Variants in RBM26 observed in about 807,000 individuals in gnomAD.
RBM26 encodes RNA binding motif protein 26, also known as RNA-binding protein 26.
In RBM26, 30 loss-of-function variants were observed where a neutral mutation model predicts 123.6. The ratio of observed to expected loss-of-function variants is 0.24; its 90% CI spans 0.18 to 0.33. The LOEUF (loss-of-function observed/expected upper bound fraction) is 0.33, where lower values mean the gene tolerates loss of function less well. Among genes scored for constraint, RBM26 ranks in the 10% least tolerant of loss-of-function variants. RBM26 has a pLI of 1.00. For synonymous variants in RBM26, 400 were observed against 404.4 expected, an observed-to-expected ratio of 0.99 and a Z score of 0.13; for missense variants, 947 against 1,203.6, an observed-to-expected ratio of 0.79 and a Z score of 3.15.
chr13:79,371,171 A>G lies in RBM26; in HGVS notation c.417-9T>C. ...TCCTCTCATCACGGCTTCTAAAGAA[A>G]TATGTGATCACTTTAATACAAATAA... On this transcript the variant is annotated splice_polypyrimidine_tract_variant and intron_variant, in intron 4 of 21. Coordinates refer to ENST00000438737, the MANE Select transcript of RBM26 (RefSeq NM_001366735.2). The G allele has an allele frequency of 6.2e-7, 1 of 1,602,502 alleles. No homozygotes were observed. Among genetic ancestry groups the G allele is most frequent in the Non-Finnish European group, 8.5e-7 (1 of 1,170,778 alleles).
intron 1 of RBM26, among the ~76,000 whole-genome samples, chr13:79,386,070 G>A (rs2077452870): frequency 6.7e-6 from 1 of 150,268 alleles, no homozygotes; most frequent in Non-Finnish European, 1.5e-5. Flanking sequence ...AGCCTCACCT[G>A]AAATTAAATA....
At chr13:79,342,474 A>G (rs925468519) in intron 17 of RBM26, among the ~76,000 whole-genome samples, 190 bp downstream of exon 17, 6 of 151,978 alleles carry the variant, frequency 3.9e-5, no homozygotes, top group Admixed American at 1.3e-4. Context: ...CTTTCCAACT[A>G]TAACAGAATT....
chr13:79,340,983 A>G lies in RBM26; in HGVS notation c.2532+140T>C, dbSNP rs923787378. 3.2e-5 allele frequency: 16 copies of G among 495,262 alleles called. 1 individual carries two copies. Among genetic ancestry groups the G allele is most frequent in the Middle Eastern group, 9.1e-4 (2 of 2,202 alleles). The allele number at this position is 495,262 out of a possible 1,614,324, so 30.7% of individuals were successfully genotyped here. A position where few individuals can be genotyped will look rare whatever the true frequency, so the allele number is the denominator to read the frequency against. ...TTTGTTGACCTCTTCCCTCTTTCCT[A>G]TATTAACATCTCAATATGTATGCCA... On this transcript the variant is annotated intron_variant, in intron 18 of 21. Transcript: ENST00000438737.
chr13:79,327,820 T>G (rs1447578761), intron 20 of RBM26, among the ~76,000 whole-genome samples: 1 of 152,102 alleles, frequency 6.6e-6, no homozygotes, highest in Non-Finnish European at 1.5e-5. Context: ...AATTACCTAA[T>G]GGGTACAATG....
In RBM26 at chr13:79,355,610, T is replaced by C. The variant is rs559000542; in HGVS notation, c.1690-226A>G. Among the ~76,000 whole-genome samples, 4 of 152,192 alleles carry C rather than the reference T, an allele frequency of 2.6e-5. No homozygotes were observed. In the South Asian group the frequency reaches 6.2e-4, roughly 24 times the overall value. The stretch of plus-strand genomic sequence containing the variant: ...TTCCTCTATATAATAGCAGAGAAAG[T>C]CGACTGCATAAATGTTACATATAGG... On this transcript the variant is annotated intron_variant, in intron 11 of 21. Transcript: ENST00000438737.
rs763188056 is a variant in RBM26, at chr13:79,366,116, A to T, written c.1215T>A (p.Thr405=). The change falls in exon 8 of 22, where the codon ACT becomes ACA. Residue 405 remains threonine, a synonymous_variant. Coordinates refer to ENST00000438737, the MANE Select transcript of RBM26 (RefSeq NM_001366735.2). ...GGTGATGAATGCCAGTTGTTACTAC[A>T]GTAGGAACAGAACTGGTTGCAGAGT... ...PPNSATSSVP[T]VVTTGIHHQP... is the part of the protein sequence containing the mutation. The T allele has an allele frequency of 6.2e-7, 1 of 1,614,050 alleles. No homozygotes were observed. The highest frequency in any genetic ancestry group is 1.1e-5 in the South Asian group (1 of 91,088).
chr13:79,361,903 G>C (rs867840808), intron 9 of RBM26, among the ~76,000 whole-genome samples: 3 of 152,064 alleles, frequency 2.0e-5, no homozygotes, highest in African/African-American at 7.2e-5. Flanking sequence ...ATGGGGAGAG[G>C]AAGATTTTAG....
intron 1 of RBM26, among the ~76,000 whole-genome samples, chr13:79,396,769 T>G (rs2078604074): frequency 6.6e-6 from 1 of 152,212 alleles, no homozygotes; most frequent in Non-Finnish European, 1.5e-5. Context: ...TAATATAACA[T>G]GACCAAGCCT....
At chr13:79,312,334 C>T (rs961275335) in exon 5 of RBM26, 3 of 152,048 alleles carry the variant, frequency 2.0e-5, no homozygotes, top group Non-Finnish European at 4.4e-5. Flanking sequence ...GAATGAAAAG[C>T]AGGCATCCAT....
At chr13:79,403,511 G>C (rs1014537296) in intron 1 of RBM26, among the ~76,000 whole-genome samples, 1 of 152,182 alleles carries the variant, frequency 6.6e-6, no homozygotes, top group Non-Finnish European at 1.5e-5. Flanking sequence ...ACGCTTAAAG[G>C]AAAGCTATTT....
intron 14 of RBM26, among the ~76,000 whole-genome samples, chr13:79,349,480 A>G (rs997726831): frequency 1.7e-4 from 26 of 152,190 alleles, no homozygotes; most frequent in African/African-American, 6.3e-4. Context: ...ATATTTTAAC[A>G]AACATCAAAG....
At chr13:79,375,096 TTATATATATCA>T (rs2076552450) in intron 3 of RBM26, among the ~76,000 whole-genome samples, 1 of 95,294 alleles carries the variant, frequency 1.0e-5, no homozygotes. Context: ...AAATATATAT[TTATATATATCA>T]TATAAATATA....
At chr13:79,322,589 G>T in intron 20 of RBM26, 127 bp from the exon 21 acceptor site, 1 of 532,890 alleles carries the variant, frequency 1.9e-6, no homozygotes, top group South Asian at 3.2e-5. Flanking sequence ...CTGCCCATTT[G>T]CTTTTTGATT....
intron 15 of RBM26, 65 bp downstream of exon 15, chr13:79,344,604 A>C (rs2071983845): frequency 7.0e-7 from 1 of 1,430,294 alleles, no homozygotes; most frequent in Non-Finnish European, 9.7e-7. Flanking sequence ...GCACTGAAAA[A>C]ACACATACAC....
intron 11 of RBM26, among the ~76,000 whole-genome samples, chr13:79,357,228 A>G (rs937469273): frequency 6.6e-6 from 1 of 152,152 alleles, no homozygotes; most frequent in Non-Finnish European, 1.5e-5. Flanking sequence ...TCAAACATGA[A>G]TCTTTTTCCC....
intron 2 of RBM26, among the ~76,000 whole-genome samples, chr13:79,377,856 C>T (rs909568318): frequency 6.6e-6 from 1 of 151,898 alleles, no homozygotes; most frequent in African/African-American, 2.4e-5. Context: ...TGCAGTGAGC[C>T]GAGATCGCGC....
intron 1 of RBM26, among the ~76,000 whole-genome samples, 170 bp downstream of exon 1, chr13:79,405,534 G>A (rs765727407): frequency 1.3e-5 from 2 of 151,896 alleles, no homozygotes; most frequent in Non-Finnish European, 2.9e-5. Context: ...GCTCTCGGGG[G>A]TATCCTGAAT....
At chr13:79,340,230 C>CA (rs1243825994) in intron 18 of RBM26, among the ~76,000 whole-genome samples, 1 of 151,774 alleles carries the variant, frequency 6.6e-6, no homozygotes, top group Non-Finnish European at 1.5e-5. Flanking sequence ...CCAGAGAATG[C>CA]AAAGGTATGA....
chr13:79,332,536 T>C (rs933291091), intron 20 of RBM26, among the ~76,000 whole-genome samples: 3 of 152,182 alleles, frequency 2.0e-5, no homozygotes, highest in Admixed American at 6.5e-5. Flanking sequence ...ATGCTTATGC[T>C]TTAACAACTT....
Sources: allele counts gnomAD v4.1 joint callset (sites outside exome capture counted in the v4.1 genomes callset), GRCh38; gene constraint gnomAD v4.1.1; transcripts MANE v1.5; gene names NCBI Gene and HGNC (gene_info 2026-07-23, HGNC 2026-07-21).